Variants in ITGAV observed in about 807,000 individuals in gnomAD.
The protein encoded by ITGAV is integrin alpha-V.
A neutral mutation model predicts 143.8 loss-of-function variants in ITGAV; 76 were observed. That is an observed-to-expected ratio of 0.53 (90% CI 0.44 to 0.64). The LOEUF (loss-of-function observed/expected upper bound fraction) is 0.64. ITGAV is among the 30% of genes least tolerant of loss of function. The pLI is 0.00. For synonymous variants in ITGAV, 453 were observed against 446.7 expected, an observed-to-expected ratio of 1.01 and a Z score of -0.18; for missense variants, 1,193 against 1,274.7, an observed-to-expected ratio of 0.94 and a Z score of 0.98.
chr2:186,599,812 T>C (rs943392661), intron 1 of ITGAV, among the ~76,000 whole-genome samples: 15 of 152,222 alleles, frequency 9.9e-5, no homozygotes, highest in African/African-American at 3.6e-4. Flanking sequence ...GAAATCTAGG[T>C]GGCATTCTTG....
At chr2:186,600,327 A>G in intron 1 of ITGAV, 1 of 1,544,026 alleles carries the variant, frequency 6.5e-7, no homozygotes, top group Non-Finnish European at 8.8e-7. Flanking sequence ...TCCATCCTCA[A>G]TACACAAATG....
intron 2 of ITGAV, among the ~76,000 whole-genome samples, chr2:186,618,212 A>T (rs1183413544): frequency 6.6e-6 from 1 of 152,260 alleles, no homozygotes; most frequent in African/African-American, 2.4e-5. Context: ...ATTAGTAAAG[A>T]CAAACTTCCT....
At chr2:186,606,403 C>T (rs1687066220) in intron 2 of ITGAV, among the ~76,000 whole-genome samples, 1 of 152,188 alleles carries the variant, frequency 6.6e-6, no homozygotes, top group Non-Finnish European at 1.5e-5. Flanking sequence ...TTCTCATCAA[C>T]CTGCTCCATG....
At chr2:186,647,937 A>G (rs1325397688) in intron 13 of ITGAV, among the ~76,000 whole-genome samples, 1 of 152,218 alleles carries the variant, frequency 6.6e-6, no homozygotes, top group Non-Finnish European at 1.5e-5. Context: ...TATAAATGCA[A>G]TATATTTGTT....
intron 12 of ITGAV, among the ~76,000 whole-genome samples, chr2:186,642,233 T>G (rs531962459): frequency 4.7e-4 from 71 of 152,316 alleles, no homozygotes; most frequent in Non-Finnish European, 2.8e-4. Flanking sequence ...TACCAAGATT[T>G]TTTTTTTAAT....
chr2:186,656,191 G>C, intron 16 of ITGAV, 56 bp from the exon 17 acceptor site: 19 of 1,327,902 alleles, frequency 1.4e-5, no homozygotes, highest in Non-Finnish European at 2.0e-5. Context: ...CTCTAGAGTA[G>C]GATAGATAGA....
At chr2:186,658,966 A>C in intron 17 of ITGAV, 72 bp from the exon 18 acceptor site, 4 of 1,116,314 alleles carry the variant, frequency 3.6e-6, no homozygotes, top group Non-Finnish European at 2.6e-6. Context: ...TGGCTTTGTA[A>C]TGTGCACTTA....
intron 23 of ITGAV, among the ~76,000 whole-genome samples, 186 bp from the exon 24 acceptor site, chr2:186,667,485 C>G (rs1443859792): frequency 6.6e-6 from 1 of 152,146 alleles, no homozygotes; most frequent in African/African-American, 2.4e-5. Context: ...GTCAATTCAC[C>G]TGTTACGTGT....
At position 186,665,224 on chromosome 2, in the gene ITGAV, A is replaced by G; in HGVS notation, c.2166+6A>G. ...CAATGAAGGCTGGAACTCAAGTAAG[A>G]CAATTTAATTAAACGGATTTTTCTC... On this transcript the variant is annotated splice_donor_region_variant and intron_variant, in intron 21 of 29. Coordinates refer to ENST00000261023, the MANE Select transcript of ITGAV (RefSeq NM_002210.5). The G allele has an allele frequency of 3.2e-6, 5 of 1,572,552 alleles. No individual in the cohort carries two copies. Among genetic ancestry groups the G allele is most frequent in the Non-Finnish European group, 4.4e-6 (5 of 1,143,810 alleles).
At position 186,666,773 on chromosome 2, in the gene ITGAV, C is replaced by A; in HGVS notation, c.2236C>A (p.Gln746Lys). 1 of 1,571,810 alleles carries A rather than the reference C, an allele frequency of 6.4e-7. No homozygotes were observed. The highest frequency in any genetic ancestry group is 8.6e-7 in the Non-Finnish European group (1 of 1,159,468). The change falls in exon 22 of 30, where the codon CAA (glutamine) becomes AAA (lysine). Residue 746 changes from glutamine (Q) to lysine (K), a missense_variant. Coordinates refer to ENST00000261023, the MANE Select transcript of ITGAV (RefSeq NM_002210.5). ...EMDTSVKFDL[Q>K]IQSSNLFDKV... ...GGATACTTCTGTGAAATTTGACTTA[C>A]AAATCCAAAGGTATGAAAACAACTT...
chr2:186,627,451 A>T (rs1219186292), intron 4 of ITGAV, among the ~76,000 whole-genome samples: 1 of 152,212 alleles, frequency 6.6e-6, no homozygotes, highest in East Asian at 1.9e-4. Flanking sequence ...CTAGGTTTGG[A>T]TAATTCCTGA....
chr2:186,645,485 G>A (rs1030496152), intron 12 of ITGAV, among the ~76,000 whole-genome samples: 1 of 152,058 alleles, frequency 6.6e-6, no homozygotes, highest in Non-Finnish European at 1.5e-5. Flanking sequence ...GTGGGGGTGG[G>A]GATGGGGAGA....
rs139419103 is a variant in ITGAV at position 186,623,869 on chromosome 2, A to G, written c.408+1439A>G. Among the ~76,000 whole-genome samples, 197 of 152,248 alleles carry G rather than the reference A, an allele frequency of 1.3e-3. 1 individual carries two copies. Among genetic ancestry groups the G allele is most frequent in the African/African-American group, 4.5e-3 (188 of 41,540 alleles). On this transcript the variant is annotated intron_variant, in intron 3 of 29. Transcript: ENST00000261023. ...TATTTCTACCCTGCAACAAGCCACC[A>G]TCATTACCCCCTTGGACCACTGCAA...
intron 15 of ITGAV, among the ~76,000 whole-genome samples, chr2:186,652,304 C>T (rs372441838): frequency 6.6e-6 from 1 of 152,228 alleles, no homozygotes; most frequent in African/African-American, 2.4e-5. Flanking sequence ...ATCCTTCCAC[C>T]TTGGCCTTTA....
At chr2:186,663,899 C>A (rs544871812) in intron 19 of ITGAV, 64 bp downstream of exon 19, 1 of 1,092,566 alleles carries the variant, frequency 9.2e-7, no homozygotes, top group Admixed American at 1.7e-5. Context: ...TTTTTCTATT[C>A]AAAGGACTAA....
At chr2:186,621,500 T>C (rs145208528) in intron 2 of ITGAV, among the ~76,000 whole-genome samples, 1 of 152,196 alleles carries the variant, frequency 6.6e-6, no homozygotes, top group South Asian at 2.1e-4. Context: ...AATTTCCACA[T>C]TTATCCCAAT....
intron 18 of ITGAV, among the ~76,000 whole-genome samples, 179 bp from the exon 19 acceptor site, chr2:186,663,589 G>A (rs1688806976): frequency 6.6e-6 from 1 of 152,082 alleles, no homozygotes; most frequent in Non-Finnish European, 1.5e-5. Context: ...ACACTGACCT[G>A]CTTAAAAATA....
Position 186,677,491 on chromosome 2 carries a change from TG to T in ITGAV, c.*200del. ...CAGACATACATTTAATAACATAGGG[TG>T]ACTTGTGTTTTTAGGTATTTAAATA... is the stretch of plus-strand genomic sequence containing the variant. On this transcript the variant is annotated 3_prime_UTR_variant, in exon 30 of 30. Coordinates refer to ENST00000261023, the MANE Select transcript of ITGAV (RefSeq NM_002210.5). 2.0e-6 allele frequency: 1 copy of T among 494,924 alleles called. No individual in the cohort carries two copies. The allele number at this position is 494,924 out of a possible 1,614,324, so 30.7% of individuals were successfully genotyped here. A position where few individuals can be genotyped will look rare whatever the true frequency, so the allele number is the denominator to read the frequency against.
At chr2:186,594,431 C>T (rs1686693272) in intron 1 of ITGAV, among the ~76,000 whole-genome samples, 1 of 152,168 alleles carries the variant, frequency 6.6e-6, no homozygotes. Flanking sequence ...AGAAATTCTT[C>T]CTTTTTAAGG....
Sources: gnomAD v4.1 joint callset for allele counts (sites outside exome capture counted in the v4.1 genomes callset) on GRCh38, gnomAD v4.1.1 for gene constraint, MANE v1.5 for transcripts, NCBI Gene and HGNC (gene_info 2026-07-23, HGNC 2026-07-21) for gene names.